Variants in STPG4 observed in about 807,000 individuals in gnomAD.
STPG4 encodes protein STPG4.
Under a neutral mutation model 31.5 loss-of-function variants are expected in STPG4, and 41 were observed. The observed-to-expected ratio is 1.30, with a 90% CI of 1.01 to 1.69. STPG4 has a LOEUF of 1.69. Ranked by LOEUF, STPG4 falls within the 40% of genes most tolerant of loss-of-function variation. The pLI is 0.00. For synonymous variants in STPG4, 141 were observed against 103.0 expected (o/e 1.37, Z -2.24); for missense variants, 375 against 293.4 (o/e 1.28, Z -2.03).
intron 5 of STPG4, among the ~76,000 whole-genome samples, chr2:47,115,255 G>A (rs1026743612): frequency 6.6e-6 from 1 of 151,464 alleles, no homozygotes; most frequent in Non-Finnish European, 1.5e-5. Flanking sequence ...TATATTGATT[G>A]GTTTCTCTTT....
intron 3 of STPG4, among the ~76,000 whole-genome samples, chr2:47,131,003 A>G (rs1686469402): frequency 6.6e-6 from 1 of 151,372 alleles, no homozygotes; most frequent in African/African-American, 2.4e-5. Flanking sequence ...TTGTAGAGAC[A>G]GGATCTCACT....
At chr2:47,096,318 A>G (rs540394361) in intron 5 of STPG4, among the ~76,000 whole-genome samples, 36 of 152,304 alleles carry the variant, frequency 2.4e-4, no homozygotes, top group Admixed American at 2.2e-3. Context: ...ACGCCTCTCA[A>G]GGAAGTACAT....
At chr2:47,105,288 A>C (rs927585187) in intron 5 of STPG4, among the ~76,000 whole-genome samples, 19 of 152,010 alleles carry the variant, frequency 1.2e-4, no homozygotes, top group Non-Finnish European at 2.4e-4. Context: ...CTCGCTGTTT[A>C]AGGGTAGTTG....
chr2:47,127,508 G>A (rs1445027041), intron 5 of STPG4, among the ~76,000 whole-genome samples: 4 of 151,820 alleles, frequency 2.6e-5, no homozygotes, highest in East Asian at 1.9e-4. Context: ...GCCTCAAGCC[G>A]TCTGCCTGCC....
intron 5 of STPG4, among the ~76,000 whole-genome samples, chr2:47,112,989 CAAAAAAAA>C (rs70940656): frequency 6.4e-5 from 6 of 93,670 alleles, no homozygotes; most frequent in Admixed American, 2.4e-4. Flanking sequence ...AAGACTATCT[CAAAAAAAA>C]AAAAAAAAAA....
chr2:47,125,137 G>C (rs1686341293), intron 5 of STPG4, among the ~76,000 whole-genome samples: 1 of 151,912 alleles, frequency 6.6e-6, no homozygotes, highest in Non-Finnish European at 1.5e-5. Context: ...TTTTCCTATT[G>C]AGGTTGGGCA....
At chr2:47,109,520 G>A (rs1685994622) in intron 5 of STPG4, among the ~76,000 whole-genome samples, 1 of 149,610 alleles carries the variant, frequency 6.7e-6, no homozygotes, top group African/African-American at 2.5e-5. Flanking sequence ...TCCTGCCACT[G>A]GACTCCAGCC....
chr2:47,129,920 A>T, intron 5 of STPG4, 21 bp downstream of exon 5: 1 of 1,608,442 alleles, frequency 6.2e-7, no homozygotes, highest in Non-Finnish European at 8.5e-7. Flanking sequence ...ATCATGAGTT[A>T]ACTGTCTACA....
At chr2:47,125,561 T>C (rs1218289959) in intron 5 of STPG4, among the ~76,000 whole-genome samples, 3 of 152,246 alleles carry the variant, frequency 2.0e-5, no homozygotes, top group African/African-American at 7.2e-5. Context: ...GTTTCCTTTG[T>C]TGTGCAGAAA....
chr2:47,129,997 T>C lies in STPG4; in HGVS notation c.465-2A>G. 6.5e-7 allele frequency: 1 copy of C among 1,543,762 alleles called. No homozygotes were observed. Among genetic ancestry groups the C allele is most frequent in the Non-Finnish European group, 8.9e-7 (1 of 1,125,002 alleles). On this transcript the variant is annotated splice_acceptor_variant, in intron 4 of 6. Coordinates refer to ENST00000445927, the MANE Select transcript of STPG4 (RefSeq NM_001163561.2). LOFTEE classifies it high-confidence loss of function. ...ACTGTTGAGCGAAATACACAGCTCCTATATTTCAAAATAAAAAAGAAAAGT... is the reference window on the plus strand; with the variant it reads ...ACTGTTGAGCGAAATACACAGCTCCCATATTTCAAAATAAAAAAGAAAAGT...
At chr2:47,119,837 C>G (rs916878536) in intron 5 of STPG4, among the ~76,000 whole-genome samples, 1 of 152,130 alleles carries the variant, frequency 6.6e-6, no homozygotes, top group African/African-American at 2.4e-5. Flanking sequence ...CAGTGGCTTG[C>G]AGGTAAGAAT....
Position 47,130,267 on chromosome 2 carries a change from A to C in STPG4, c.400-7T>G. 2 of 1,612,896 alleles carry C rather than the reference A, an allele frequency of 1.2e-6. No individual in the cohort carries two copies. The highest frequency in any genetic ancestry group is 1.7e-6 in the Non-Finnish European group (2 of 1,179,060). On this transcript the variant is annotated splice_region_variant and splice_polypyrimidine_tract_variant and intron_variant, in intron 3 of 6. Coordinates refer to ENST00000445927, the MANE Select transcript of STPG4 (RefSeq NM_001163561.2). Reference sequence around the variant, plus strand: ...CCGGAGAAAGCTGAAGTGACTGCACAGAATGGACAAGGACACCAATAGATT... The same window carrying C: ...CCGGAGAAAGCTGAAGTGACTGCACCGAATGGACAAGGACACCAATAGATT...
intron 6 of STPG4, 26 bp downstream of exon 6, chr2:47,090,244 G>C: frequency 6.7e-7 from 1 of 1,484,262 alleles, no homozygotes; most frequent in Non-Finnish European, 9.2e-7. Flanking sequence ...AGGGGTGGGG[G>C]GCGATCTGTC....
At chr2:47,145,423 G>A (rs1388524589) in intron 3 of STPG4, among the ~76,000 whole-genome samples, 6 of 152,182 alleles carry the variant, frequency 3.9e-5, no homozygotes, top group Admixed American at 2.0e-4. Context: ...ATAACCATGG[G>A]CTGTCCCTTT....
At chr2:47,113,759 G>A (rs1260997260) in intron 5 of STPG4, among the ~76,000 whole-genome samples, 1 of 151,928 alleles carries the variant, frequency 6.6e-6, no homozygotes, top group Non-Finnish European at 1.5e-5. Context: ...TTTAGGCCGG[G>A]CGCAGTGGCT....
At chr2:47,122,129 T>G (rs1052503132) in intron 5 of STPG4, among the ~76,000 whole-genome samples, 2 of 152,192 alleles carry the variant, frequency 1.3e-5, no homozygotes, top group Non-Finnish European at 1.5e-5. Flanking sequence ...TTTTTCACCT[T>G]GTAATCTGAA....
intron 3 of STPG4, among the ~76,000 whole-genome samples, chr2:47,140,189 G>A (rs1179620278): frequency 6.6e-6 from 1 of 152,130 alleles, no homozygotes; most frequent in African/African-American, 2.4e-5. Context: ...CTCACCCTTA[G>A]GTGGCACAGG....
At chr2:47,093,226 A>G (rs754546692) in intron 5 of STPG4, among the ~76,000 whole-genome samples, 19 of 152,192 alleles carry the variant, frequency 1.2e-4, no homozygotes, top group Non-Finnish European at 1.8e-4. Flanking sequence ...TCTGATAATC[A>G]AGGGATAGAT....
chr2:47,098,826 A>T (rs1048871314), intron 5 of STPG4, among the ~76,000 whole-genome samples: 1 of 151,430 alleles, frequency 6.6e-6, no homozygotes, highest in Non-Finnish European at 1.5e-5. Flanking sequence ...GAGAAAAGCT[A>T]CAGCCACCTC....
Sources: allele counts gnomAD v4.1 joint callset (sites outside exome capture counted in the v4.1 genomes callset), GRCh38; gene constraint gnomAD v4.1.1; transcripts MANE v1.5; gene names NCBI Gene and HGNC (gene_info 2026-07-23, HGNC 2026-07-21).